The following BRD3 variants were observed in gnomAD, a reference collection of about 807,000 sequenced individuals.
BRD3 encodes the protein bromodomain-containing protein 3.
In BRD3, 17 loss-of-function variants were observed where a neutral mutation model predicts 66.8. The observed-to-expected ratio is 0.25, with a 90% CI of 0.17 to 0.38. BRD3 has a LOEUF of 0.38. BRD3 is among the 10% of genes least tolerant of loss of function. BRD3 has a pLI of 1.00. For synonymous variants in BRD3, 421 were observed against 393.2 expected, an observed-to-expected ratio of 1.07 and a Z score of -0.84; for missense variants, 713 against 956.1, an observed-to-expected ratio of 0.75 and a Z score of 3.35.
chr9:134,064,203 G>C (rs1830599949), intron 1 of BRD3, among the ~76,000 whole-genome samples: 3 of 152,118 alleles, frequency 2.0e-5, no homozygotes, highest in African/African-American at 7.2e-5. Context: ...ACCACCAACA[G>C]GTGAATGGCC....
rs550527422 is a variant in BRD3 at position 134,048,552 on chromosome 9, C to G, written c.715-98G>C. ...TCTGGGGCACTGTCTGCCTGCCTGG[C>G]GCTGGGCTAAGCGGCCACATGCACG... On this transcript the variant is annotated intron_variant, in intron 5 of 11. Coordinates refer to ENST00000303407, the MANE Select transcript of BRD3 (RefSeq NM_007371.4). The G allele has an allele frequency of 3.9e-6, 6 of 1,555,072 alleles. No individual in the cohort carries two copies. The African/African-American group carries it at 6.7e-5, about 17-fold the overall frequency.
chr9:134,053,397 G>A lies in BRD3; in HGVS notation c.81C>T (p.Ser27=). The stretch of plus-strand genomic sequence containing the variant: ...TCTTGCGGCCGGGCTTGCTGGGGTT[G>A]GAGACCTCCGGGGGGGGTGGGTTCA... ...GPVNPPPPEV[S]NPSKPGRKTN... Residue 27 remains serine, a synonymous_variant, in exon 2 of 12, where the codon TCC becomes TCT. Transcript: ENST00000303407. 6.2e-7 allele frequency: 1 copy of A among 1,613,124 alleles called. No individual in the cohort carries two copies. Among genetic ancestry groups the A allele is most frequent in the Non-Finnish European group, 8.5e-7 (1 of 1,179,954 alleles).
chr9:134,048,745 C>G (rs1040858298), intron 5 of BRD3, among the ~76,000 whole-genome samples: 1 of 152,146 alleles, frequency 6.6e-6, no homozygotes, highest in Non-Finnish European at 1.5e-5. Context: ...TCAGGGGTCC[C>G]GGGTGGGCTC....
Position 134,036,218 on chromosome 9 carries a change from T to G in BRD3, c.1750A>C (p.Ile584Leu), listed in dbSNP as rs1045137667. 1 of 1,614,258 alleles carries G rather than the reference T, an allele frequency of 6.2e-7. No individual in the cohort carries two copies. The highest frequency in any genetic ancestry group is 8.5e-7 in the Non-Finnish European group (1 of 1,180,044). Residue 584 changes from isoleucine to leucine, a missense_variant, in exon 10 of 12, where the codon ATC (isoleucine) becomes CTC (leucine). Transcript: ENST00000303407. Reference sequence around the variant, plus strand: ...AGCTTCTCCCCGGGCAGCCGGTTGATGTCCAGGCTAAGCTGGCGCTTTTCA... The same window carrying G: ...AGCTTCTCCCCGGGCAGCCGGTTGAGGTCCAGGCTAAGCTGGCGCTTTTCA... Reference protein sequence around the residue: ...YDEKRQLSLDINRLPGEKLGR... With the variant: ...YDEKRQLSLDLNRLPGEKLGR...
intron 9 of BRD3, among the ~76,000 whole-genome samples, chr9:134,037,011 A>G (rs1025310145): frequency 1.3e-5 from 2 of 152,144 alleles, no homozygotes; most frequent in South Asian, 4.1e-4. Flanking sequence ...ACTCTGCCTC[A>G]AGAAAAAGAA....
At chr9:134,035,896 G>C in intron 10 of BRD3, 136 bp downstream of exon 10, 1 of 1,242,562 alleles carries the variant, frequency 8.0e-7, no homozygotes, top group Non-Finnish European at 1.1e-6. Context: ...GGCATCTGTG[G>C]TGGGACGAAG....
chr9:134,051,875 GTGTTGTTTTTTTTGT>G lies in BRD3; in HGVS notation c.352-181_352-167del, dbSNP rs1564555817. On this transcript the variant is annotated intron_variant, in intron 3 of 11. Coordinates refer to ENST00000303407, the MANE Select transcript of BRD3 (RefSeq NM_007371.4). ...TGTGTGTGTGTGTGTGTGTGTGTGT[GTGTTGTTTTTTTTGT>G]TTTTTTTTTTTTTTTTTTGAGATGG... Among the ~76,000 whole-genome samples the G allele has an allele frequency of 2.8e-3, 285 of 101,012 alleles. 9 individuals are homozygous for G. The highest frequency in any genetic ancestry group is 0.011 in the African/African-American group (281 of 24,632). The allele number at this position is 101,012 out of a possible 152,430, so 66.3% of individuals were successfully genotyped here.
Position 134,048,180 on chromosome 9 carries a change from T to C in BRD3, c.989A>G (p.Tyr330Cys). 6.2e-7 allele frequency: 1 copy of C among 1,612,392 alleles called. No individual in the cohort carries two copies. The highest frequency in any genetic ancestry group is 8.5e-7 in the Non-Finnish European group (1 of 1,179,780). ...CACTGGCTTGTAGAAGGGCCAGGCG[T>C]AGGCCGCGTGCTTCTTGGATAGCAT... ...REMLSKKHAA[Y>C]AWPFYKPVDA... The change falls in exon 6 of 12, where the codon TAC becomes TGC. Residue 330 changes from tyrosine (Y) to cysteine (C), a missense_variant. Tyr to Cys is a radical substitution (Grantham distance 194). Transcript: ENST00000303407.
chr9:134,067,374 G>A (rs1389051166), intron 1 of BRD3, among the ~76,000 whole-genome samples: 1 of 150,136 alleles, frequency 6.7e-6, no homozygotes, highest in Non-Finnish European at 1.5e-5. Context: ...GCCGCGGCGC[G>A]CGGCGACGGT....
intron 1 of BRD3, among the ~76,000 whole-genome samples, chr9:134,066,048 A>C (rs539393276): frequency 1.2e-4 from 18 of 152,342 alleles, no homozygotes; most frequent in Middle Eastern, 3.4e-3. Flanking sequence ...AAGGAAAGTA[A>C]TTACTCTACT....
chr9:134,052,182 G>A (rs1017008251), intron 3 of BRD3, 124 bp downstream of exon 3: 17 of 1,272,704 alleles, frequency 1.3e-5, no homozygotes, highest in Middle Eastern at 2.8e-4. Flanking sequence ...TGTGAGCCAC[G>A]GCACCCAGCC....
intron 7 of BRD3, among the ~76,000 whole-genome samples, chr9:134,042,928 A>G (rs1039222835): frequency 2.0e-5 from 3 of 151,318 alleles, no homozygotes; most frequent in African/African-American, 7.3e-5. Context: ...CATCCTCCAC[A>G]TCCTGATTTC....
chr9:134,049,509 C>T (rs1335202435), intron 5 of BRD3, among the ~76,000 whole-genome samples: 2 of 152,216 alleles, frequency 1.3e-5, no homozygotes, highest in Admixed American at 1.3e-4. Context: ...GCGCCAGGCG[C>T]GTGCCGCACA....
In BRD3 at chr9:134,036,169, T is replaced by C; in HGVS notation, c.1799A>G (p.Gln600Arg). 1 of 1,614,210 alleles carries C rather than the reference T, an allele frequency of 6.2e-7. No homozygotes were observed. Among genetic ancestry groups the C allele is most frequent in the Non-Finnish European group, 8.5e-7 (1 of 1,180,026 alleles). Reference protein sequence around the residue: ...EKLGRVVHIIQSREPSLRDSN... With the variant: ...EKLGRVVHIIRSREPSLRDSN... ...GTCCCTGAGCGAGGGCTCCCGAGAT[T>C]GGATGATGTGCACTACCCGGCCCAG... Residue 600 changes from glutamine to arginine, a missense_variant, in exon 10 of 12, where the codon CAA becomes CGA. This residue lies in a region of BRD3 where 418 missense variants were observed against 609.3 expected (regional missense o/e 0.69). Transcript: ENST00000303407.
intron 1 of BRD3, among the ~76,000 whole-genome samples, chr9:134,065,212 G>A (rs1830625345): frequency 1.3e-5 from 2 of 152,034 alleles, no homozygotes; most frequent in South Asian, 2.1e-4. Context: ...ATCACGAGGT[G>A]AGGAGTTCGA....
chr9:134,051,416 G>A, intron 4 of BRD3, 146 bp downstream of exon 4: 1 of 821,074 alleles, frequency 1.2e-6, no homozygotes, highest in Non-Finnish European at 1.7e-6. Context: ...TCACCCACAG[G>A]CCACACTCAT....
rs201716645 is a variant in BRD3 at position 134,052,405 on chromosome 9, C to G, written c.252G>C (p.Gly84=). The G allele has an allele frequency of 6.2e-7, 1 of 1,611,398 alleles. No homozygotes were observed. Among genetic ancestry groups the G allele is most frequent in the South Asian group, 1.1e-5 (1 of 90,972 alleles). ...TATTTTCTAGTCTCTTCTTAATAGTCCCCATATCCATTGGGTTTTTAATTA... is the reference window on the plus strand; with the variant it reads ...TATTTTCTAGTCTCTTCTTAATAGTGCCCATATCCATTGGGTTTTTAATTA... ...HKIIKNPMDM[G]TIKKRLENNY... Residue 84 remains glycine, a synonymous_variant, in exon 3 of 12, where the codon GGG becomes GGC. Coordinates refer to ENST00000303407, the MANE Select transcript of BRD3 (RefSeq NM_007371.4).
intron 1 of BRD3, among the ~76,000 whole-genome samples, chr9:134,060,609 C>CACACAG (rs1830518071): frequency 6.6e-6 from 1 of 151,760 alleles, no homozygotes; most frequent in Non-Finnish European, 1.5e-5. Context: ...CACACACACA[C>CACACAG]ACACACACAC....
In BRD3 at chr9:134,051,652, CT is replaced by C. The variant is rs1830299136; in HGVS notation, c.408del (p.Val137TrpfsTer106). 3 of 1,590,334 alleles carry C rather than the reference CT, an allele frequency of 1.9e-6. No homozygotes were observed. The highest frequency in any genetic ancestry group is 2.3e-5 in the East Asian group (1 of 43,080). On this transcript the variant is annotated frameshift_variant, in exon 4 of 12. Coordinates refer to ENST00000303407, the MANE Select transcript of BRD3 (RefSeq NM_007371.4). LOFTEE classifies it high-confidence loss of function. ...AQALEKIFLQ[K>X]VAQMPQEEVE... ...ACTTCCTCTTGGGGCATCTGGGCCA[CT>C]TTTTGTAGAAAAATTTTCTCTAAAG...
Sources: gnomAD v4.1 joint callset for allele counts (sites outside exome capture counted in the v4.1 genomes callset) on GRCh38, gnomAD v4.1.1 for gene constraint, gnomAD v4.1.1 regional missense constraint, MANE v1.5 for transcripts, NCBI Gene and HGNC (gene_info 2026-07-23, HGNC 2026-07-21) for gene names.